The following C1orf54 variants were observed in gnomAD, a reference collection of about 807,000 sequenced individuals.
The protein encoded by C1orf54 is uncharacterized protein C1orf54.
A neutral mutation model predicts 14.7 loss-of-function variants in C1orf54; 12 were observed. The ratio of observed to expected loss-of-function variants is 0.82; its 90% CI spans 0.52 to 1.32. The LOEUF is 1.32. Among genes scored for constraint, C1orf54 ranks in the 40% most tolerant of loss-of-function variants. C1orf54 has a pLI of 0.00. For synonymous variants in C1orf54, 65 were observed against 56.3 expected, an observed-to-expected ratio of 1.16 and a Z score of -0.70; for missense variants, 163 against 162.2, an observed-to-expected ratio of 1.00 and a Z score of -0.03.
Position 150,276,551 on chromosome 1 carries a change from A to G in C1orf54, c.219A>G (p.Ala73=), listed in dbSNP as rs782699079. The stretch of plus-strand genomic sequence containing the variant: ...GGTTGGATAAGGACATAACAGAAGC[A>G]ATAGAGACTACCATTAGTCTTGAAA... The part of the protein sequence containing the change: ...LNRLDKDITE[A]IETTISLETA... Residue 73 remains alanine, a synonymous_variant, in exon 4 of 6, where the codon GCA becomes GCG. Transcript: ENST00000369099. The G allele has an allele frequency of 1.2e-6, 2 of 1,614,138 alleles. No individual in the cohort carries two copies. The highest frequency in any genetic ancestry group is 1.7e-6 in the Non-Finnish European group (2 of 1,180,000).
At chr1:150,269,624 T>C (rs1379599291), upstream of C1orf54, 3 of 151,942 alleles carry the variant, frequency 2.0e-5, no homozygotes, top group African/African-American at 7.3e-5. Flanking sequence ...ATTAGAGCGA[T>C]GGGGTTGAAG....
Position 150,272,793 on chromosome 1 carries a change from T to G in C1orf54, c.-25T>G, listed in dbSNP as rs782674927. The G allele has an allele frequency of 6.2e-7, 1 of 1,613,660 alleles. No individual in the cohort carries two copies. Among genetic ancestry groups the G allele is most frequent in the East Asian group, 2.2e-5 (1 of 44,876 alleles). ...AACTCTGTAATTTCCTTTTTTACTT[T>G]CACAGCAATAGTGCAGAATCCAGAA... On this transcript the variant is annotated 5_prime_UTR_variant, in exon 1 of 6. Transcript: ENST00000369099.
intron 2 of C1orf54, 54 bp from the exon 3 acceptor site, chr1:150,275,687 G>C (rs587674765): frequency 2.1e-6 from 3 of 1,415,216 alleles, no homozygotes; most frequent in African/African-American, 1.4e-5. Flanking sequence ...TTCATTTCCA[G>C]ATCTAGAGTT....
chr1:150,280,759 T>C, intron 5 of C1orf54, 76 bp from the exon 6 acceptor site: 12 of 1,177,192 alleles, frequency 1.0e-5, no homozygotes, highest in East Asian at 7.7e-5. Flanking sequence ...GGAGTTTCCA[T>C]AGAGTGTGGG....
At chr1:150,268,866 G>A, upstream of C1orf54, 1 of 1,511,688 alleles carries the variant, frequency 6.6e-7, no homozygotes, top group Non-Finnish European at 9.0e-7. Flanking sequence ...AAATGGGAGG[G>A]GCGCGCCAGC....
intron 1 of C1orf54, 114 bp downstream of exon 1, chr1:150,272,977 T>G (rs1553851601): frequency 5.1e-6 from 6 of 1,183,824 alleles, no homozygotes; most frequent in Non-Finnish European, 1.2e-6. Context: ...GCGATAGAGT[T>G]TTCTCATCGT....
chr1:150,268,792 A>C (rs1651979567), upstream of C1orf54: 3 of 1,613,588 alleles, frequency 1.9e-6, no homozygotes, highest in Admixed American at 3.3e-5. Context: ...GTGCAGCCGA[A>C]AAACACCGCA....
At chr1:150,268,997 C>A, upstream of C1orf54, 1 of 552,518 alleles carries the variant, frequency 1.8e-6, no homozygotes, top group Non-Finnish European at 3.3e-6. Context: ...CGCGCCACTT[C>A]CTCTACGGAA....
intron 4 of C1orf54, among the ~76,000 whole-genome samples, chr1:150,278,389 G>A (rs1452070180): frequency 6.6e-6 from 1 of 152,212 alleles, no homozygotes; most frequent in African/African-American, 2.4e-5. Flanking sequence ...TAGGACAGAA[G>A]TTATTAATTT....
At chr1:150,269,041 A>C, upstream of C1orf54, 1 of 485,610 alleles carries the variant, frequency 2.1e-6, no homozygotes, top group Non-Finnish European at 3.8e-6. Flanking sequence ...CCGCAGCCCC[A>C]CGGCCACCTC....
chr1:150,275,817 C>T lies in C1orf54; in HGVS notation c.189+18C>T, dbSNP rs1553852347. On this transcript the variant is annotated intron_variant, in intron 3 of 5. Coordinates refer to ENST00000369099, the MANE Select transcript of C1orf54 (RefSeq NM_024579.4). ...ACAGGCTGGTGAGTGAACTCTACAT[C>T]TAAAAGGGTTAGGATAAGTAACAAT... 6.3e-7 allele frequency: 1 copy of T among 1,595,798 alleles called. No individual in the cohort carries two copies. Among genetic ancestry groups the T allele is most frequent in the Non-Finnish European group, 8.6e-7 (1 of 1,163,798 alleles).
At chr1:150,279,955 A>T (rs1474328784) in intron 5 of C1orf54, among the ~76,000 whole-genome samples, 2 of 152,174 alleles carry the variant, frequency 1.3e-5, no homozygotes, top group African/African-American at 4.8e-5. Context: ...GGAGTTCCAG[A>T]CCAGGCTGAG....
At chr1:150,270,293 T>C (rs1652104910), upstream of C1orf54, among the ~76,000 whole-genome samples, 1 of 152,206 alleles carries the variant, frequency 6.6e-6, no homozygotes, top group Non-Finnish European at 1.5e-5. Context: ...CTCACATACA[T>C]GTTTTACATG....
chr1:150,272,953 C>T, intron 1 of C1orf54, 90 bp downstream of exon 1: 1 of 1,385,108 alleles, frequency 7.2e-7, no homozygotes, highest in Non-Finnish European at 1.0e-6. Flanking sequence ...GTGAGAGGTA[C>T]ATTTCAGTGG....
upstream of C1orf54, chr1:150,272,640 C>T (rs1652291939): frequency 1.6e-6 from 1 of 637,952 alleles, no homozygotes; most frequent in African/African-American, 1.8e-5. Flanking sequence ...TGGCTGGGGA[C>T]CGGCAGTAAC....
At chr1:150,272,711 G>A, upstream of C1orf54, 2 of 1,151,538 alleles carry the variant, frequency 1.7e-6, no homozygotes, top group Non-Finnish European at 2.6e-6. Flanking sequence ...GAGAAGAGTT[G>A]CTGCAGCTCC....
chr1:150,276,350 T>C (rs1469285818), intron 3 of C1orf54, among the ~76,000 whole-genome samples, 172 bp from the exon 4 acceptor site: 3 of 152,046 alleles, frequency 2.0e-5, no homozygotes, highest in Admixed American at 1.3e-4. Context: ...CAAGGGACTT[T>C]TGAATGAGAT....
chr1:150,280,842 A>G lies in C1orf54; in HGVS notation c.*11A>G. The G allele has an allele frequency of 6.5e-7, 1 of 1,550,208 alleles. No homozygotes were observed. Among genetic ancestry groups the G allele is most frequent in the South Asian group, 1.2e-5 (1 of 84,032 alleles). ...CTTTCTCTGCTTTTTTAGGTGGAAG[A>G]AGGCTGCTATGACTCTTTGGATGGG... On this transcript the variant is annotated 3_prime_UTR_variant, in exon 6 of 6. Transcript: ENST00000369099.
upstream of C1orf54, among the ~76,000 whole-genome samples, chr1:150,271,427 T>C (rs1652198869): frequency 6.6e-6 from 1 of 152,200 alleles, no homozygotes; most frequent in South Asian, 2.1e-4. Context: ...ATTGAGCTGT[T>C]ACCACAGCAT....
Sources: allele counts gnomAD v4.1 joint callset (sites outside exome capture counted in the v4.1 genomes callset), GRCh38; gene constraint gnomAD v4.1.1; transcripts MANE v1.5; gene names NCBI Gene and HGNC (gene_info 2026-07-23, HGNC 2026-07-21).